TNRC6B: variants seen among roughly 807,000 people sequenced by gnomAD.
TNRC6B encodes the protein trinucleotide repeat-containing gene 6B protein.
Under a neutral mutation model 203.6 loss-of-function variants are expected in TNRC6B, and 52 were observed. The observed-to-expected ratio is 0.26, with a 90% confidence interval of 0.20 to 0.32. TNRC6B has a LOEUF of 0.32. Among genes scored for constraint, TNRC6B ranks in the 10% least tolerant of loss-of-function variants. TNRC6B has a pLI of 1.00. For synonymous variants in TNRC6B, 838 were observed against 845.7 expected (o/e 0.99, Z 0.16); for missense variants, 1,923 against 2,286.2 (o/e 0.84, Z 3.24).
chr22:40,068,299 C>T (rs1050286716), intron 1 of TNRC6B, among the ~76,000 whole-genome samples: 3 of 151,978 alleles, frequency 2.0e-5, no homozygotes, highest in Non-Finnish European at 4.4e-5. Context: ...TACTCTTTTA[C>T]TTACGTGGTT....
At chr22:40,269,126 CTTTTTTTTTTT>C (rs35575346) in intron 5 of TNRC6B, among the ~76,000 whole-genome samples, 81 of 57,858 alleles carry the variant, frequency 1.4e-3, no homozygotes, top group Admixed American at 2.5e-3. Flanking sequence ...TACAGTATTT[CTTTTTTTTTTT>C]TTTTTTTTTT....
chr22:40,097,879 A>G (rs186258508), intron 1 of TNRC6B, among the ~76,000 whole-genome samples: 7 of 152,142 alleles, frequency 4.6e-5, no homozygotes, highest in Admixed American at 1.3e-4. Flanking sequence ...GGGTCTCGCT[A>G]TGTTGCCCCA....
At chr22:40,272,619 A>C (rs892002518) in intron 6 of TNRC6B, among the ~76,000 whole-genome samples, 2 of 152,220 alleles carry the variant, frequency 1.3e-5, no homozygotes, top group Non-Finnish European at 2.9e-5. Context: ...GATTCTGTAC[A>C]GTATTTTCGG....
chr22:40,046,856 A>T (rs2067692758), intron 1 of TNRC6B, among the ~76,000 whole-genome samples: 2 of 152,066 alleles, frequency 1.3e-5, no homozygotes, highest in South Asian at 4.1e-4. Flanking sequence ...CATGTTAGCC[A>T]GGATGGTCTC....
chr22:40,132,969 A>AAAAATATATATATATATATATATATAT (rs1282694632), intron 3 of TNRC6B, among the ~76,000 whole-genome samples: 2 of 78,182 alleles, frequency 2.6e-5, no homozygotes, highest in Non-Finnish European at 5.3e-5. Context: ...AAAAAAAAAA[A>AAAAATATATATATATATATATATATAT]ATATATATAT....
chr22:40,045,700 C>G (rs997276221), intron 1 of TNRC6B: 31 of 152,336 alleles, frequency 2.0e-4, no homozygotes, highest in African/African-American at 7.5e-4. Context: ...TTACACCTTC[C>G]CGTGGTCCGG....
At chr22:40,128,894 C>G (rs1463476246) in intron 3 of TNRC6B, among the ~76,000 whole-genome samples, 1 of 152,076 alleles carries the variant, frequency 6.6e-6, no homozygotes. Context: ...GGTTCCTACT[C>G]TCAAGGCGGT....
Position 40,258,071 on chromosome 22 carries a change from C to CTTTTTTTTTTTTTTTTTTTTTTT in TNRC6B, c.116-3753_116-3731dup, listed in dbSNP as rs56078653. On this transcript the variant is annotated intron_variant, in intron 3 of 22. Coordinates refer to ENST00000454349, the MANE Select transcript of TNRC6B (RefSeq NM_001162501.2). Reference sequence around the variant, plus strand: ...GAAATCAGAAAATAGGATACACAGCCTTTTTTTTTTTTTTTTTTTTTTTTT... The same window carrying CTTTTTTTTTTTTTTTTTTTTTTT: ...GAAATCAGAAAATAGGATACACAGCCTTTTTTTTTTTTTTTTTTTTTTTTTTTTTTTTTTTTTTTTTTTTTTTT... 7.0e-5 allele frequency among the ~76,000 whole-genome samples: 2 copies of CTTTTTTTTTTTTTTTTTTTTTTT among 28,714 alleles called. 1 individual carries two copies. The highest frequency in any genetic ancestry group is 1.3e-4 in the Non-Finnish European group (2 of 15,532). 18.8% of individuals were successfully genotyped at this position (28,714 alleles called of 152,430 possible). A position where few individuals can be genotyped will look rare whatever the true frequency, so the allele number is the denominator to read the frequency against.
intron 3 of TNRC6B, among the ~76,000 whole-genome samples, chr22:40,150,577 A>G (rs1037665036): frequency 3.9e-5 from 6 of 152,222 alleles, no homozygotes; most frequent in African/African-American, 1.4e-4. Context: ...CTTTCCTCAT[A>G]TCCACAGACC....
chr22:40,089,837 C>T (rs1240463589), intron 1 of TNRC6B, among the ~76,000 whole-genome samples: 2 of 152,132 alleles, frequency 1.3e-5, no homozygotes, highest in Non-Finnish European at 2.9e-5. Context: ...CTTCTCTGCT[C>T]CACCTAGTCA....
At chr22:40,099,701 G>A (rs1469578016) in intron 1 of TNRC6B, among the ~76,000 whole-genome samples, 1 of 152,112 alleles carries the variant, frequency 6.6e-6, no homozygotes, top group East Asian at 1.9e-4. Flanking sequence ...CCTAAGGAGG[G>A]GGCATTAGGT....
At chr22:40,057,253 G>T (rs1256891520) in intron 1 of TNRC6B, among the ~76,000 whole-genome samples, 1 of 150,558 alleles carries the variant, frequency 6.6e-6, no homozygotes, top group Non-Finnish European at 1.5e-5. Flanking sequence ...TTTCCTAAAG[G>T]TGTTGATTTA....
intron 4 of TNRC6B, among the ~76,000 whole-genome samples, chr22:40,171,536 G>A (rs2068998853): frequency 6.6e-6 from 1 of 151,826 alleles, no homozygotes; most frequent in Admixed American, 6.6e-5. Context: ...TAATTTTTGT[G>A]GTCAAAATTT....
chr22:40,119,447 G>A (rs2068423090), intron 2 of TNRC6B, among the ~76,000 whole-genome samples: 2 of 152,208 alleles, frequency 1.3e-5, no homozygotes, highest in Admixed American at 1.3e-4. Flanking sequence ...AGCCAGGCGT[G>A]GTGGCACGTG....
intron 1 of TNRC6B, among the ~76,000 whole-genome samples, chr22:40,190,549 A>G (rs2146392885): frequency 6.6e-6 from 1 of 152,322 alleles, no homozygotes; most frequent in South Asian, 2.1e-4. Context: ...TTAAATGACA[A>G]AGACCTTAAA....
At chr22:40,318,722 A>G (rs1055162507) in intron 21 of TNRC6B, among the ~76,000 whole-genome samples, 2 of 152,078 alleles carry the variant, frequency 1.3e-5, no homozygotes, top group South Asian at 2.1e-4. Context: ...TAAGAGATGC[A>G]CTGTTTTGAA....
chr22:40,269,126 CTTTTTTTTTTTTTT>C (rs35575346), intron 5 of TNRC6B, among the ~76,000 whole-genome samples: 3 of 57,854 alleles, frequency 5.2e-5, no homozygotes, highest in African/African-American at 2.0e-4. Context: ...TACAGTATTT[CTTTTTTTTTTTTTT>C]TTTTTTTTTT....
chr22:40,097,336 TTC>T (rs1294235969), intron 1 of TNRC6B, among the ~76,000 whole-genome samples: 1 of 152,070 alleles, frequency 6.6e-6, no homozygotes, highest in Non-Finnish European at 1.5e-5. Flanking sequence ...GACAGGGTCT[TTC>T]TCTGTTTCCC....
At chr22:40,219,920 C>T (rs752227956) in intron 1 of TNRC6B, among the ~76,000 whole-genome samples, 4 of 152,166 alleles carry the variant, frequency 2.6e-5, no homozygotes, top group Non-Finnish European at 5.9e-5. Flanking sequence ...TCTTTTTCTC[C>T]TCTGTCCTGA....
Sources: gnomAD v4.1 joint callset for allele counts (sites outside exome capture counted in the v4.1 genomes callset) on GRCh38, gnomAD v4.1.1 for gene constraint, MANE v1.5 for transcripts, NCBI Gene and HGNC (gene_info 2026-07-23, HGNC 2026-07-21) for gene names.